The following VPS53 variants were observed in gnomAD, a reference collection of about 807,000 sequenced individuals.
VPS53 encodes VPS53 subunit of GARP complex, also known as vacuolar protein sorting-associated protein 53 homolog.
In VPS53, 70 loss-of-function variants were observed where a neutral mutation model predicts 107.0. That is an observed-to-expected ratio of 0.65 (90% CI 0.54 to 0.80). The LOEUF (loss-of-function observed/expected upper bound fraction) is 0.80. Among genes scored for constraint, VPS53 ranks in the 30% least tolerant of loss-of-function variants. VPS53 has a pLI of 0.00. For synonymous variants in VPS53, 409 were observed against 393.3 expected (o/e 1.04, Z -0.47); for missense variants, 917 against 1,049.4 (o/e 0.87, Z 1.74).
intron 11 of VPS53, among the ~76,000 whole-genome samples, chr17:603,185 G>A (rs1968403333): frequency 6.6e-6 from 1 of 152,232 alleles, no homozygotes; most frequent in South Asian, 2.1e-4. Flanking sequence ...AGCACTTTGG[G>A]AGGCTGAGGC....
chr17:559,550 C>T (rs189156208), intron 15 of VPS53, among the ~76,000 whole-genome samples: 4 of 152,352 alleles, frequency 2.6e-5, no homozygotes. Context: ...GAGTGTGCTG[C>T]TGCCTCTGCC....
At chr17:548,010 G>A (rs1011276830) in intron 17 of VPS53, among the ~76,000 whole-genome samples, 6 of 152,150 alleles carry the variant, frequency 3.9e-5, no homozygotes, top group Admixed American at 6.6e-5. Flanking sequence ...CTTAAAGGAC[G>A]TGCTCCTTGG....
At chr17:672,175 ATCTCTCTCTCTCTCTCTCTCTCTCTC>A (rs10539620) in intron 4 of VPS53, among the ~76,000 whole-genome samples, 1 of 107,068 alleles carries the variant, frequency 9.3e-6, no homozygotes, top group Admixed American at 1.0e-4. Context: ...CACAATCTCA[ATCTCTCTCTCTCTCTCTCTCTCTCTC>A]TCTCTCTCTC....
At chr17:558,024 T>C (rs538224436) in intron 15 of VPS53, among the ~76,000 whole-genome samples, 1 of 152,176 alleles carries the variant, frequency 6.6e-6, no homozygotes, top group African/African-American at 2.4e-5. Context: ...CACACTCAAC[T>C]AACTTTTAAA....
At chr17:568,380 TACAGGTGCACACCACCAC>T (rs1238580442) in intron 13 of VPS53, among the ~76,000 whole-genome samples, 1 of 151,950 alleles carries the variant, frequency 6.6e-6, no homozygotes, top group East Asian at 1.9e-4. Flanking sequence ...TAGCTGGGAC[TACAGGTGCACACCACCAC>T]ACCTGGTTAA....
chr17:657,561 AAGGAAAAGAGGACCTT>A, intron 5 of VPS53: 1 of 1,023,896 alleles, frequency 9.8e-7, no homozygotes, highest in South Asian at 1.3e-5. Context: ...TGCATTAGGC[AAGGAAAAGAGGACCTT>A]TGTCTTCCGG....
At chr17:631,453 G>T in intron 8 of VPS53, 97 bp downstream of exon 8, 1 of 1,296,954 alleles carries the variant, frequency 7.7e-7, no homozygotes, top group Non-Finnish European at 1.1e-6. Context: ...CTGCCAGCGA[G>T]CATGACTGGA....
At position 708,494 on chromosome 17, in the gene VPS53, A is replaced by G. The variant is rs145929142; in HGVS notation, c.168+2039T>C. On this transcript the variant is annotated intron_variant, in intron 2 of 21. Coordinates refer to ENST00000437048, the MANE Select transcript of VPS53 (RefSeq NM_001128159.3). ...GTGTACAGGTGGAACATGAAAGTGG[A>G]CCAGGAGCATGACCACTGAAGCACA... Among the ~76,000 whole-genome samples, 735 of 152,326 alleles carry G rather than the reference A, an allele frequency of 4.8e-3. 6 individuals are homozygous for G. The highest frequency in any genetic ancestry group is 0.017 in the African/African-American group (701 of 41,572).
intron 12 of VPS53, among the ~76,000 whole-genome samples, chr17:593,581 G>A (rs1245499879): frequency 1.3e-5 from 2 of 152,216 alleles, no homozygotes; most frequent in Non-Finnish European, 2.9e-5. Context: ...CTGGCCATCA[G>A]AGAAATGCAA....
intron 18 of VPS53, among the ~76,000 whole-genome samples, chr17:535,593 C>A (rs1567604753): frequency 6.6e-6 from 1 of 152,140 alleles, no homozygotes; most frequent in Non-Finnish European, 1.5e-5. Context: ...CTCAATGAGA[C>A]CCCGGAGCAG....
At chr17:667,211 G>A (rs918415724) in intron 4 of VPS53, among the ~76,000 whole-genome samples, 2 of 152,048 alleles carry the variant, frequency 1.3e-5, no homozygotes, top group Admixed American at 6.6e-5. Context: ...CAATGGCAGA[G>A]ATAAATAGTT....
chr17:521,648 T>G lies in VPS53; in HGVS notation c.2176A>C (p.Thr726Pro). 6.4e-7 allele frequency: 1 copy of G among 1,551,544 alleles called. No homozygotes were observed. The highest frequency in any genetic ancestry group is 8.7e-7 in the Non-Finnish European group (1 of 1,146,700). Residue 726 changes from threonine to proline, a missense_variant, in exon 20 of 22, where the codon ACC becomes CCC. Physicochemically the swap from Thr to Pro is conservative, Grantham distance 38. Coordinates refer to ENST00000437048, the MANE Select transcript of VPS53 (RefSeq NM_001128159.3). ...QVVRKAPASY[T>P]KIVVKGMTRA... ...GTCATGCCTTTGACAACGATCTTGG[T>G]GTAGCTGGCGGGTGCCTTCCTCACC... is the stretch of plus-strand genomic sequence containing the variant.
chr17:713,147 A>T (rs958024459), intron 1 of VPS53, among the ~76,000 whole-genome samples: 1 of 151,474 alleles, frequency 6.6e-6, no homozygotes, highest in Non-Finnish European at 1.5e-5. Context: ...GGCTGCAGTG[A>T]GCTACGATTA....
Position 625,926 on chromosome 17 carries a change from G to A in VPS53, c.974+1248C>T, listed in dbSNP as rs62056506. On this transcript the variant is annotated intron_variant, in intron 10 of 21. Transcript: ENST00000437048. ...TAGATCTAACTGTGTACTACTGGGA[G>A]GAAATATATAACTAATAAGAACCAG... 5.5e-3 allele frequency among the ~76,000 whole-genome samples: 840 copies of A among 152,164 alleles called. 5 individuals carry two copies. Among genetic ancestry groups the A allele is most frequent in the Non-Finnish European group, 7.5e-3 (511 of 68,008 alleles).
rs149894213 is a variant in VPS53 at position 626,755 on chromosome 17, T to C, written c.974+419A>G. On this transcript the variant is annotated intron_variant, in intron 10 of 21. Transcript: ENST00000437048. ...ATTCATTCAACAAATGTTTCCTCTG[T>C]GTCTGCTATATCATTAAGGTAGATA... Among the ~76,000 whole-genome samples the C allele has an allele frequency of 2.0e-3, 312 of 152,318 alleles. 3 individuals are homozygous for C. Among genetic ancestry groups the C allele is most frequent in the African/African-American group, 7.3e-3 (305 of 41,548 alleles).
At chr17:662,873 CGAAG>C (rs1314091969) in intron 4 of VPS53, among the ~76,000 whole-genome samples, 42 of 98,170 alleles carry the variant, frequency 4.3e-4, no homozygotes, top group Admixed American at 2.1e-3. Flanking sequence ...AAGGAAGGAA[CGAAG>C]GAAGGAAGGA....
At chr17:664,532 C>T (rs554723648) in intron 4 of VPS53, among the ~76,000 whole-genome samples, 13 of 152,170 alleles carry the variant, frequency 8.5e-5, no homozygotes, top group African/African-American at 2.6e-4. Flanking sequence ...GAGGTGGGCA[C>T]GAGCCAGAGC....
At chr17:654,600 A>G (rs1375633532) in intron 6 of VPS53, among the ~76,000 whole-genome samples, 4 of 150,864 alleles carry the variant, frequency 2.7e-5, no homozygotes, top group Non-Finnish European at 4.5e-5. Flanking sequence ...AACCGGGCTT[A>G]GTGGCGGGCG....
At chr17:571,549 G>A (rs995376188) in intron 13 of VPS53, among the ~76,000 whole-genome samples, 6 of 76,452 alleles carry the variant, frequency 7.8e-5, no homozygotes, top group Admixed American at 2.4e-4. Flanking sequence ...CTCTCCCCAC[G>A]GTCTCCCTCT....
Sources: allele counts gnomAD v4.1 joint callset (sites outside exome capture counted in the v4.1 genomes callset), GRCh38; gene constraint gnomAD v4.1.1; transcripts MANE v1.5; gene names NCBI Gene and HGNC (gene_info 2026-07-23, HGNC 2026-07-21).